The following LMBR1 variants were observed in gnomAD, a reference collection of about 807,000 sequenced individuals.
LMBR1 encodes limb region 1 protein homolog.
LMBR1 carries 52 observed loss-of-function variants against 73.9 expected under a neutral mutation model. That is an observed-to-expected ratio of 0.70 (90% confidence interval 0.56 to 0.89). LMBR1 has a LOEUF of 0.89. Ranked by LOEUF, LMBR1 falls within the 40% of genes least tolerant of loss-of-function variation. The pLI, the probability that LMBR1 is intolerant of heterozygous loss-of-function variation, is 0.00. For missense variants in LMBR1, 539 were observed against 579.8 expected (o/e 0.93, Z 0.72); for synonymous variants, 215 against 209.4 (o/e 1.03, Z -0.23).
intron 5 of LMBR1, among the ~76,000 whole-genome samples, chr7:156,793,047 A>C (rs1450369723): frequency 6.6e-6 from 1 of 152,230 alleles, no homozygotes; most frequent in Admixed American, 6.5e-5. Flanking sequence ...TATATGTGTC[A>C]AATGTAATCG....
intron 10 of LMBR1, among the ~76,000 whole-genome samples, chr7:156,730,773 T>C (rs1052863863): frequency 6.6e-6 from 1 of 151,936 alleles, no homozygotes; most frequent in Non-Finnish European, 1.5e-5. Context: ...CCGTCTCTAC[T>C]AAAAATACAA....
chr7:156,892,371 CA>C (rs1371261542), intron 1 of LMBR1: 34 of 152,268 alleles, frequency 2.2e-4, no homozygotes, highest in Admixed American at 2.2e-3. Flanking sequence ...CGGCCGGGTC[CA>C]AACGCGAGAG....
chr7:156,815,698 C>T (rs965800618), intron 4 of LMBR1, among the ~76,000 whole-genome samples: 1 of 152,102 alleles, frequency 6.6e-6, no homozygotes, highest in African/African-American at 2.4e-5. Flanking sequence ...TCTCTGAGTG[C>T]ACAGTTTAGA....
At chr7:156,803,206 G>C (rs1406795175) in intron 4 of LMBR1, among the ~76,000 whole-genome samples, 1 of 152,020 alleles carries the variant, frequency 6.6e-6, no homozygotes, top group Admixed American at 6.6e-5. Flanking sequence ...CCATCAGAGT[G>C]AACAGGCAAC....
chr7:156,858,290 A>G lies in LMBR1; in HGVS notation c.67-21405T>C, dbSNP rs886804444. Among the ~76,000 whole-genome samples, 32 of 152,160 alleles carry G rather than the reference A, an allele frequency of 2.1e-4. 1 individual carries two copies. The highest frequency in any genetic ancestry group is 7.5e-4 in the African/African-American group (31 of 41,464). ...TTTCCACAGACACCAAAAAAAAATT[A>G]CAGGAATATTATGAACTCCGTGCCC... On this transcript the variant is annotated intron_variant, in intron 1 of 16. Coordinates refer to ENST00000353442, the MANE Select transcript of LMBR1 (RefSeq NM_022458.4).
Position 156,683,878 on chromosome 7 carries a change from C to T in LMBR1, c.*200G>A, listed in dbSNP as rs769564473. 3.6e-5 allele frequency: 20 copies of T among 559,724 alleles called. No individual in the cohort carries two copies. The highest frequency in any genetic ancestry group is 9.4e-4 in the Middle Eastern group (2 of 2,134). 34.7% of individuals were successfully genotyped at this position (559,724 alleles called of 1,614,324 possible). A position where few individuals can be genotyped will look rare whatever the true frequency, so the allele number is the denominator to read the frequency against. ...GGAATCTGCACTTAACTGGAAACTACAGGGTCCATCAGAAAGTTAAATTTA... is the reference window on the plus strand; with the variant it reads ...GGAATCTGCACTTAACTGGAAACTATAGGGTCCATCAGAAAGTTAAATTTA... On this transcript the variant is annotated 3_prime_UTR_variant, in exon 17 of 17. Transcript: ENST00000353442.
At chr7:156,790,127 C>T (rs533579854) in intron 5 of LMBR1, among the ~76,000 whole-genome samples, 2 of 152,022 alleles carry the variant, frequency 1.3e-5, no homozygotes, top group East Asian at 1.9e-4. Context: ...AAAACAGATC[C>T]TATTTCAAAA....
At chr7:156,772,861 G>A (rs1208650228) in intron 5 of LMBR1, among the ~76,000 whole-genome samples, 2 of 151,784 alleles carry the variant, frequency 1.3e-5, no homozygotes, top group South Asian at 2.1e-4. Context: ...GGAGAGGAGG[G>A]GAGGGGAGGG....
chr7:156,833,985 G>A (rs1055719368), intron 2 of LMBR1, among the ~76,000 whole-genome samples, 193 bp from the exon 3 acceptor site: 5 of 152,152 alleles, frequency 3.3e-5, no homozygotes, highest in Non-Finnish European at 7.4e-5. Flanking sequence ...GGTATATAGA[G>A]AATGGGATGT....
At chr7:156,729,432 T>C (rs777363490) in intron 10 of LMBR1, among the ~76,000 whole-genome samples, 14 of 151,546 alleles carry the variant, frequency 9.2e-5, no homozygotes, top group Admixed American at 8.5e-4. Flanking sequence ...TATATATATA[T>C]ATCTGAATGA....
intron 15 of LMBR1, among the ~76,000 whole-genome samples, chr7:156,690,780 T>C (rs1807011128): frequency 6.9e-6 from 1 of 144,080 alleles, no homozygotes; most frequent in African/African-American, 2.5e-5. Context: ...TTTTTAAAAA[T>C]CTGATAGATT....
chr7:156,700,742 A>G (rs1432213958), intron 15 of LMBR1, among the ~76,000 whole-genome samples: 1 of 152,030 alleles, frequency 6.6e-6, no homozygotes, highest in Non-Finnish European at 1.5e-5. Flanking sequence ...AACTGTGCCA[A>G]CCTGTGCCTG....
At chr7:156,774,958 A>G (rs1484463426) in intron 5 of LMBR1, among the ~76,000 whole-genome samples, 2 of 152,248 alleles carry the variant, frequency 1.3e-5, no homozygotes, top group South Asian at 2.1e-4. Context: ...AGTGGGAGCT[A>G]AACATTGAGT....
chr7:156,814,607 A>T (rs1303212547), intron 4 of LMBR1, among the ~76,000 whole-genome samples: 1 of 152,240 alleles, frequency 6.6e-6, no homozygotes, highest in Non-Finnish European at 1.5e-5. Context: ...GTATTCACAC[A>T]ATTTGTGATT....
chr7:156,766,265 G>A (rs978671945), intron 5 of LMBR1, among the ~76,000 whole-genome samples: 1 of 152,050 alleles, frequency 6.6e-6, no homozygotes, highest in Non-Finnish European at 1.5e-5. Context: ...GGAGAGGTTT[G>A]TTTACTGTCT....
intron 1 of LMBR1, among the ~76,000 whole-genome samples, chr7:156,881,080 T>C (rs954480427): frequency 3.9e-5 from 6 of 152,294 alleles, no homozygotes; most frequent in Non-Finnish European, 8.8e-5. Flanking sequence ...CACCTCCTGA[T>C]TTCAAAATAT....
At chr7:156,881,917 G>C (rs1801156902) in intron 1 of LMBR1, among the ~76,000 whole-genome samples, 1 of 151,988 alleles carries the variant, frequency 6.6e-6, no homozygotes, top group Admixed American at 6.5e-5. Context: ...AAAATATGTG[G>C]GTTCCTGAAA....
chr7:156,855,626 CAG>C (rs1314082141), intron 1 of LMBR1, among the ~76,000 whole-genome samples: 3 of 130,640 alleles, frequency 2.3e-5, no homozygotes, highest in African/African-American at 8.7e-5. Flanking sequence ...AAACACCTAA[CAG>C]ATCCAGAAAG....
chr7:156,687,960 G>C, intron 16 of LMBR1, 70 bp downstream of exon 16: 2 of 1,338,226 alleles, frequency 1.5e-6, no homozygotes, highest in Non-Finnish European at 2.0e-6. Flanking sequence ...AGCTGAAGAT[G>C]TAATATTAAC....
Sources: allele counts gnomAD v4.1 joint callset (sites outside exome capture counted in the v4.1 genomes callset), GRCh38; gene constraint gnomAD v4.1.1; transcripts MANE v1.5; gene names NCBI Gene and HGNC (gene_info 2026-07-23, HGNC 2026-07-21).